ITGA6: variants seen among roughly 807,000 people sequenced by gnomAD.
ITGA6 encodes the protein integrin subunit alpha 6, also known as integrin alpha-6.
A neutral mutation model predicts 133.6 loss-of-function variants in ITGA6; 63 were observed. The ratio of observed to expected loss-of-function variants is 0.47; its 90% confidence interval spans 0.38 to 0.58. The LOEUF (loss-of-function observed/expected upper bound fraction) is 0.58, where lower values mean the gene tolerates loss of function less well. ITGA6 is among the 20% of genes least tolerant of loss of function. ITGA6 has a pLI of 0.00. For synonymous variants in ITGA6, 434 were observed against 482.0 expected (o/e 0.90, Z 1.30); for missense variants, 1,068 against 1,309.4 (o/e 0.82, Z 2.85).
chr2:172,488,377 A>AC (rs1341573329), intron 19 of ITGA6, 149 bp downstream of exon 19: 5 of 685,380 alleles, frequency 7.3e-6, no homozygotes, highest in Non-Finnish European at 1.0e-5. Context: ...CTTTTAAAGA[A>AC]CATACTGGCT....
At chr2:172,427,521 G>C (rs1348506706), upstream of ITGA6, 2 of 1,143,736 alleles carry the variant, frequency 1.7e-6, no homozygotes, top group African/African-American at 1.6e-5. Flanking sequence ...AGGGGCGAGA[G>C]GGTGGGGAGG....
At chr2:172,427,504 C>T, upstream of ITGA6, 3 of 1,096,922 alleles carry the variant, frequency 2.7e-6, no homozygotes, top group Non-Finnish European at 3.3e-6. Flanking sequence ...GCCGCGGGCG[C>T]GCAAGGAGGG....
At position 172,485,159 on chromosome 2, in the gene ITGA6, T is replaced by G. The variant is rs1346622449; in HGVS notation, c.1749T>G (p.Thr583=). The stretch of plus-strand genomic sequence containing the variant: ...ATAAACTGCGTCCCATTCCCATAAC[T>G]GCCTCAGTGGAGATCCAAGAGCCAA... ...IRDKLRPIPI[T]ASVEIQEPSS... Residue 583 remains threonine (T), a synonymous_variant, in exon 13 of 26, where the codon ACT becomes ACG. Transcript: ENST00000684293. 4 of 1,613,920 alleles carry G rather than the reference T, an allele frequency of 2.5e-6. No individual in the cohort carries two copies. The highest frequency in any genetic ancestry group is 3.4e-6 in the Non-Finnish European group (4 of 1,179,768).
At position 172,443,309 on chromosome 2, in the gene ITGA6, T is replaced by C. The variant is rs577340514; in HGVS notation, c.182+15339T>C. Among the ~76,000 whole-genome samples, 6 of 152,358 alleles carry C rather than the reference T, an allele frequency of 3.9e-5. 1 individual carries two copies. Among genetic ancestry groups the C allele is most frequent in the African/African-American group, 1.4e-4 (6 of 41,588 alleles). ...AATACTCAGTTTCGAGGATGAACTA[T>C]GATTTATTTAACCAGTCTGGGTATT... On this transcript the variant is annotated intron_variant, in intron 1 of 25. Transcript: ENST00000684293.
intron 1 of ITGA6, among the ~76,000 whole-genome samples, chr2:172,429,074 T>G (rs928153741): frequency 6.6e-6 from 1 of 152,158 alleles, no homozygotes; most frequent in African/African-American, 2.4e-5. Context: ...ATTTTGTGTT[T>G]AGGAGAGGCG....
chr2:172,490,326 CCT>C (rs1170314737), intron 20 of ITGA6, among the ~76,000 whole-genome samples: 1 of 152,050 alleles, frequency 6.6e-6, no homozygotes, highest in Non-Finnish European at 1.5e-5. Flanking sequence ...ACTGTTAACC[CCT>C]CTCTCTATAC....
rs773696478 is a variant in ITGA6 at position 172,504,133 on chromosome 2, C to T, written c.*65C>T. ...CTCTAGGTACGATGACAGTGTTCCCCGATACCATGCTGTAAGGATCCGGAA... is the reference window on the plus strand; with the variant it reads ...CTCTAGGTACGATGACAGTGTTCCCTGATACCATGCTGTAAGGATCCGGAA... On this transcript the variant is annotated 3_prime_UTR_variant, in exon 26 of 26. Coordinates refer to ENST00000684293, the MANE Select transcript of ITGA6 (RefSeq NM_000210.4). 6.9e-6 allele frequency: 11 copies of T among 1,599,956 alleles called. No individual in the cohort carries two copies. The highest frequency in any genetic ancestry group is 1.1e-5 in the South Asian group (1 of 88,582).
In ITGA6 at chr2:172,464,687, T is replaced by TG. The variant is rs539678471; in HGVS notation, c.183-847dup. On this transcript the variant is annotated intron_variant, in intron 1 of 25. Transcript: ENST00000684293. ...AATTTTAAGGACTGTGGATTTGGAC[T>TG]GGGGGCCTCCTTATAGGAGATAAAA... 4.5e-3 allele frequency: 689 copies of TG among 152,428 alleles called. 7 individuals are homozygous for TG. The highest frequency in any genetic ancestry group is 0.015 in the African/African-American group (631 of 41,558). 9.4% of individuals were successfully genotyped at this position (152,428 alleles called of 1,614,324 possible).
At chr2:172,503,313 T>C (rs1160770135) in intron 25 of ITGA6, 1 of 152,082 alleles carries the variant, frequency 6.6e-6, no homozygotes, top group East Asian at 1.9e-4. Flanking sequence ...TCAGATTGAC[T>C]ATTTAAATGA....
At chr2:172,469,677 G>A (rs949256554) in intron 4 of ITGA6, among the ~76,000 whole-genome samples, 2 of 151,972 alleles carry the variant, frequency 1.3e-5, no homozygotes, top group African/African-American at 2.4e-5. Context: ...AGATTTGTGC[G>A]ACTCATGAAG....
At chr2:172,489,731 T>A in intron 20 of ITGA6, 73 bp downstream of exon 20, 1 of 1,315,756 alleles carries the variant, frequency 7.6e-7, no homozygotes, top group Non-Finnish European at 1.1e-6. Context: ...GGAAAATCAT[T>A]ACTGTTCTTA....
intron 8 of ITGA6, 54 bp from the exon 9 acceptor site, chr2:172,476,341 T>TA (rs1373957431): frequency 1.1e-6 from 1 of 948,630 alleles, no homozygotes; most frequent in East Asian, 2.4e-5. Flanking sequence ...AAAGCATTGT[T>TA]AAGAAGCTCA....
chr2:172,451,835 C>G (rs906137896), intron 1 of ITGA6, among the ~76,000 whole-genome samples: 1 of 152,068 alleles, frequency 6.6e-6, no homozygotes, highest in African/African-American at 2.4e-5. Flanking sequence ...TGGCCACTTT[C>G]ACTGTCTGCT....
chr2:172,428,848 A>T (rs922799389), intron 1 of ITGA6, among the ~76,000 whole-genome samples: 1 of 152,214 alleles, frequency 6.6e-6, no homozygotes, highest in Non-Finnish European at 1.5e-5. Flanking sequence ...TTTCTTAAAC[A>T]GTGTTTGGTT....
chr2:172,450,758 C>CAA (rs1314402803), intron 1 of ITGA6, among the ~76,000 whole-genome samples: 4 of 149,806 alleles, frequency 2.7e-5, no homozygotes, highest in Non-Finnish European at 4.4e-5. Flanking sequence ...AGTTTGAGAC[C>CAA]AGCCTGGCCA....
At chr2:172,503,641 A>C (rs1687439113) in intron 25 of ITGA6, 1 of 152,420 alleles carries the variant, frequency 6.6e-6, no homozygotes. Context: ...TCAAATAGTA[A>C]TTTGTAAAAT....
At chr2:172,441,534 T>C (rs535026322) in intron 1 of ITGA6, among the ~76,000 whole-genome samples, 1 of 113,308 alleles carries the variant, frequency 8.8e-6, no homozygotes, top group African/African-American at 3.4e-5. Flanking sequence ...CCAGCCTGGG[T>C]AACAGAGTGG....
intron 1 of ITGA6, among the ~76,000 whole-genome samples, chr2:172,458,977 A>G (rs999812912): frequency 6.6e-6 from 1 of 152,210 alleles, no homozygotes; most frequent in African/African-American, 2.4e-5. Context: ...ACAGTTGAAA[A>G]ATCTCAGAAC....
intron 1 of ITGA6, among the ~76,000 whole-genome samples, chr2:172,435,027 AGTGTGTGTGTGT>A (rs72087668): frequency 6.9e-6 from 1 of 144,068 alleles, no homozygotes; most frequent in South Asian, 2.3e-4. Flanking sequence ...GGTGGTTTTA[AGTGTGTGTGTGT>A]GTGTGTGTGT....
Sources: allele counts gnomAD v4.1 joint callset (sites outside exome capture counted in the v4.1 genomes callset), GRCh38; gene constraint gnomAD v4.1.1; transcripts MANE v1.5; gene names NCBI Gene and HGNC (gene_info 2026-07-23, HGNC 2026-07-21).